Variants in KANSL1 observed in about 807,000 individuals in gnomAD.
KANSL1 encodes MLL1/MLL complex subunit KANSL1.
In KANSL1, 22 loss-of-function variants were observed where a neutral mutation model predicts 103.6. The ratio of observed to expected loss-of-function variants is 0.21; its 90% CI spans 0.15 to 0.30. The LOEUF is 0.30. Ranked by LOEUF, KANSL1 falls within the 10% of genes least tolerant of loss-of-function variation. KANSL1 has a pLI of 1.00. For synonymous variants in KANSL1, 600 were observed against 527.6 expected, an observed-to-expected ratio of 1.14 and a Z score of -1.88; for missense variants, 1,337 against 1,399.8, an observed-to-expected ratio of 0.96 and a Z score of 0.72.
At chr17:46,074,020 T>C (rs1011523224) in intron 4 of KANSL1, among the ~76,000 whole-genome samples, 3 of 152,106 alleles carry the variant, frequency 2.0e-5, no homozygotes, top group Admixed American at 6.5e-5. Context: ...CCTGTGAGCA[T>C]AGATACATAT....
chr17:46,127,705 G>A (rs753615676), intron 2 of KANSL1, among the ~76,000 whole-genome samples: 1 of 152,032 alleles, frequency 6.6e-6, no homozygotes, highest in Non-Finnish European at 1.5e-5. Context: ...TTGAGCCCAG[G>A]ACAGCAAGGG....
At chr17:46,152,339 T>C (rs1314099214) in intron 2 of KANSL1, among the ~76,000 whole-genome samples, 1 of 151,966 alleles carries the variant, frequency 6.6e-6, no homozygotes, top group Non-Finnish European at 1.5e-5. Flanking sequence ...ACAACGTATT[T>C]CAGACAAACA....
At chr17:46,116,505 G>A (rs147978127) in intron 2 of KANSL1, among the ~76,000 whole-genome samples, 1,570 of 152,196 alleles carry the variant, frequency 0.01, 24 homozygotes, top group African/African-American at 0.034. Context: ...ACTCCAGCCT[G>A]GGCAACAGAG....
intron 2 of KANSL1, among the ~76,000 whole-genome samples, chr17:46,114,675 A>T (rs2042967402): frequency 6.6e-6 from 1 of 152,266 alleles, no homozygotes; most frequent in South Asian, 2.1e-4. Flanking sequence ...ATAGAGCTAT[A>T]TTAGGAAATG....
chr17:46,215,532 C>A (rs1027250430), intron 1 of KANSL1, among the ~76,000 whole-genome samples: 1 of 152,066 alleles, frequency 6.6e-6, no homozygotes, highest in Non-Finnish European at 1.5e-5. Context: ...GCCAAAAGGG[C>A]GATGAAGGTC....
intron 1 of KANSL1, among the ~76,000 whole-genome samples, chr17:46,216,378 T>A (rs2048338962): frequency 6.6e-6 from 1 of 152,056 alleles, no homozygotes; most frequent in South Asian, 2.1e-4. Context: ...GGCAGGTGGA[T>A]CACCTGAGAT....
At chr17:46,031,924 A>C (rs2077020190) in intron 14 of KANSL1, 123 bp downstream of exon 14, 2 of 1,371,624 alleles carry the variant, frequency 1.5e-6, no homozygotes, top group East Asian at 4.7e-5. Context: ...GATCAATTTA[A>C]GTGCAGCCCT....
rs766805510 is a variant in KANSL1 at position 46,172,045 on chromosome 17, A to G, written c.99T>C (p.Ser33=). The part of the protein sequence containing the change: ...APPSSTLSPG[S]AENNGNANIL... ...TGTTGGCGTTGCCGTTATTTTCGGC[A>G]CTGCCAGGGGACAAGGTAGAGGATG... Residue 33 remains serine, a synonymous_variant, in exon 2 of 15, where the codon AGT becomes AGC. Transcript: ENST00000432791. The G allele has an allele frequency of 3.1e-6, 5 of 1,614,108 alleles. No individual in the cohort carries two copies. The highest frequency in any genetic ancestry group is 4.2e-6 in the Non-Finnish European group (5 of 1,180,064).
intron 2 of KANSL1, among the ~76,000 whole-genome samples, chr17:46,105,906 G>GACACACACACACACACACAC (rs773000790): frequency 2.1e-5 from 2 of 95,180 alleles, no homozygotes; most frequent in African/African-American, 9.1e-5. Context: ...GCAAGGCCTT[G>GACACACACACACACACACAC]ACACACACAC....
intron 4 of KANSL1, among the ~76,000 whole-genome samples, chr17:46,068,014 G>C (rs945981435): frequency 6.6e-6 from 1 of 152,038 alleles, no homozygotes; most frequent in Non-Finnish European, 1.5e-5. Flanking sequence ...GCTTTGGGGG[G>C]AAGAGGGATG....
At chr17:46,107,852 T>TC (rs1301991400) in intron 2 of KANSL1, among the ~76,000 whole-genome samples, 7 of 152,136 alleles carry the variant, frequency 4.6e-5, no homozygotes, top group Non-Finnish European at 1.0e-4. Flanking sequence ...GTCAAAAACC[T>TC]CCATGTAATC....
intron 2 of KANSL1, 191 bp downstream of exon 2, chr17:46,170,664 C>A: frequency 3.1e-6 from 2 of 645,718 alleles, no homozygotes; most frequent in South Asian, 2.3e-5. Context: ...ACAATACAAC[C>A]CTACAGCAAA....
chr17:46,165,047 C>T (rs1443646490), intron 2 of KANSL1, among the ~76,000 whole-genome samples: 2 of 152,160 alleles, frequency 1.3e-5, no homozygotes. Context: ...GCAGAGACTG[C>T]AATGAGCTGA....
chr17:46,216,949 T>G (rs2048358445), intron 1 of KANSL1, among the ~76,000 whole-genome samples: 1 of 151,848 alleles, frequency 6.6e-6, no homozygotes, highest in Admixed American at 6.6e-5. Flanking sequence ...CTACTAAAAA[T>G]ATTTAAAAAT....
At chr17:46,115,846 G>A (rs1015371381) in intron 2 of KANSL1, among the ~76,000 whole-genome samples, 5 of 152,198 alleles carry the variant, frequency 3.3e-5, no homozygotes, top group Admixed American at 6.5e-5. Flanking sequence ...ACCACAAAAT[G>A]CTTAAGCTGC....
At chr17:46,097,285 G>A (rs976844295) in intron 2 of KANSL1, among the ~76,000 whole-genome samples, 4 of 152,142 alleles carry the variant, frequency 2.6e-5, no homozygotes, top group Admixed American at 2.0e-4. Context: ...ACAAGATTAA[G>A]TACACACAAG....
chr17:46,111,843 G>A (rs1228528191), intron 2 of KANSL1, among the ~76,000 whole-genome samples: 1 of 152,180 alleles, frequency 6.6e-6, no homozygotes, highest in East Asian at 1.9e-4. Flanking sequence ...ACTGCATTGG[G>A]AGGCATTCTT....
At chr17:46,224,233 C>A (rs559361819), upstream of KANSL1, among the ~76,000 whole-genome samples, 22 of 152,318 alleles carry the variant, frequency 1.4e-4, no homozygotes, top group African/African-American at 5.1e-4. Flanking sequence ...AGAGTCAATT[C>A]CACATGAAAA....
At chr17:46,100,444 C>CAAAAAAAAAAAAAAAAAAA (rs369274727) in intron 2 of KANSL1, among the ~76,000 whole-genome samples, 1 of 88,264 alleles carries the variant, frequency 1.1e-5, no homozygotes, top group Non-Finnish European at 2.4e-5. Flanking sequence ...TCCCTCTCCC[C>CAAAAAAAAAAAAAAAAAAA]AAAAAAAAAA....
Sources: gnomAD v4.1 joint callset for allele counts (sites outside exome capture counted in the v4.1 genomes callset) on GRCh38, gnomAD v4.1.1 for gene constraint, MANE v1.5 for transcripts, NCBI Gene and HGNC (gene_info 2026-07-23, HGNC 2026-07-21) for gene names.